Variants in LIPC observed in about 807,000 individuals in gnomAD.
LIPC encodes lipase C, hepatic type.
In LIPC, 44 loss-of-function variants were observed where a neutral mutation model predicts 50.7. That is an observed-to-expected ratio of 0.87 (90% CI 0.68 to 1.11). LIPC has a LOEUF of 1.11. Ranked by LOEUF, LIPC falls within the 50% of genes most tolerant of loss-of-function variation. The probability of loss-of-function intolerance (pLI) is 0.00; values close to 1 mark genes in which losing one functional copy is unlikely to be tolerated. For missense variants in LIPC, 697 were observed against 648.2 expected, an observed-to-expected ratio of 1.08 and a Z score of -0.82; for synonymous variants, 271 against 256.4, an observed-to-expected ratio of 1.06 and a Z score of -0.54.
intron 1 of LIPC, among the ~76,000 whole-genome samples, chr15:58,531,185 T>A (rs567698716): frequency 6.6e-6 from 1 of 152,340 alleles, no homozygotes; most frequent in East Asian, 1.9e-4. Flanking sequence ...AGAAGTGATA[T>A]TCCGTTGTGT....
intron 6 of LIPC, among the ~76,000 whole-genome samples, chr15:58,557,379 C>CTTTTTT (rs386383140): frequency 0.2 from 14,888 of 75,532 alleles, 3,306 homozygotes; most frequent in East Asian, 0.25. Flanking sequence ...ATTATATGCT[C>CTTTTTT]TTTTTTTTTT....
At chr15:58,444,639 C>T (rs547639212) in intron 1 of LIPC, among the ~76,000 whole-genome samples, 5 of 152,260 alleles carry the variant, frequency 3.3e-5, no homozygotes, top group African/African-American at 4.8e-5. Context: ...TTTCTGTGTC[C>T]GATCTCCTCT....
chr15:58,453,162 C>G (rs1893974376), intron 1 of LIPC, among the ~76,000 whole-genome samples: 1 of 152,096 alleles, frequency 6.6e-6, no homozygotes, highest in Admixed American at 6.5e-5. Flanking sequence ...ATTTCTTCTC[C>G]CCGCTTGGCT....
At chr15:58,451,562 T>C (rs1294325662) in intron 1 of LIPC, among the ~76,000 whole-genome samples, 1 of 152,166 alleles carries the variant, frequency 6.6e-6, no homozygotes, top group Non-Finnish European at 1.5e-5. Flanking sequence ...TGGCCAGGTG[T>C]CCACCCCTGA....
rs543325119 is a variant in LIPC at position 58,556,494 on chromosome 15, G to A, written c.1052-4370G>A. 2.1e-4 allele frequency among the ~76,000 whole-genome samples: 32 copies of A among 152,236 alleles called. 1 individual carries two copies. In the South Asian group the frequency reaches 6.6e-3, roughly 32 times the overall value. ...TGCAGAAAATGTGAAACTTGCAGAA[G>A]AACATAAAGAAGAGAATAAAAATGA... On this transcript the variant is annotated intron_variant, in intron 6 of 8. Transcript: ENST00000299022.
At chr15:58,528,150 A>AG (rs1165626774) in intron 1 of LIPC, among the ~76,000 whole-genome samples, 5 of 151,430 alleles carry the variant, frequency 3.3e-5, no homozygotes, top group African/African-American at 1.2e-4. Context: ...CAAAAAAAAA[A>AG]AAAAAAGAAT....
At chr15:58,557,403 G>C (rs1422386150) in intron 6 of LIPC, among the ~76,000 whole-genome samples, 1 of 2,090 alleles carries the variant, frequency 4.8e-4, no homozygotes, top group African/African-American at 1.5e-3. Context: ...TTTTTTTTTT[G>C]AGATGTAGTC....
intron 1 of LIPC, among the ~76,000 whole-genome samples, chr15:58,508,015 A>G (rs1478794003): frequency 6.6e-6 from 1 of 152,134 alleles, no homozygotes; most frequent in Non-Finnish European, 1.5e-5. Flanking sequence ...GAGCACCAAA[A>G]CAGAAGACGA....
At chr15:58,468,392 A>C (rs1283335627) in intron 1 of LIPC, among the ~76,000 whole-genome samples, 1 of 152,212 alleles carries the variant, frequency 6.6e-6, no homozygotes, top group Non-Finnish European at 1.5e-5. Flanking sequence ...GTCTCACCCC[A>C]GACCTAATGA....
chr15:58,529,224 A>T (rs566772305), intron 1 of LIPC, among the ~76,000 whole-genome samples: 1 of 152,314 alleles, frequency 6.6e-6, no homozygotes, highest in Admixed American at 6.5e-5. Context: ...TGGCAACTTG[A>T]CTGTAAGCCA....
At position 58,492,342 on chromosome 15, in the gene LIPC, T is replaced by C. The variant is rs145379201; in HGVS notation, c.89-45991T>C. On this transcript the variant is annotated intron_variant, in intron 1 of 8. Coordinates refer to ENST00000299022, the MANE Select transcript of LIPC (RefSeq NM_000236.3). ...CTGTAGTATATTAATATTACTGTCA[T>C]TAATTGATATTATTGTAATGTTACT... Among the ~76,000 whole-genome samples the C allele has an allele frequency of 1.6e-4, 25 of 152,324 alleles. No individual in the cohort carries two copies. The East Asian group carries it at 4.8e-3, about 29-fold the overall frequency.
intron 1 of LIPC, among the ~76,000 whole-genome samples, chr15:58,478,562 G>A (rs1891079020): frequency 6.6e-6 from 1 of 152,068 alleles, no homozygotes; most frequent in African/African-American, 2.4e-5. Flanking sequence ...ACTTAATCCT[G>A]GAACAACCAT....
At chr15:58,492,644 G>T (rs1241765696) in intron 1 of LIPC, among the ~76,000 whole-genome samples, 9 of 152,272 alleles carry the variant, frequency 5.9e-5, no homozygotes, top group African/African-American at 2.2e-4. Context: ...GCCACCCAAA[G>T]CCAATCAAGC....
At chr15:58,501,690 T>C (rs1291023798) in intron 1 of LIPC, among the ~76,000 whole-genome samples, 2 of 152,190 alleles carry the variant, frequency 1.3e-5, no homozygotes, top group African/African-American at 4.8e-5. Context: ...CAATACCATT[T>C]TTAAATCTCT....
intron 1 of LIPC, among the ~76,000 whole-genome samples, chr15:58,517,508 A>G (rs1892520603): frequency 6.6e-6 from 1 of 152,244 alleles, no homozygotes; most frequent in Non-Finnish European, 1.5e-5. Flanking sequence ...AAGCATTTAA[A>G]AGAGAATTTC....
At chr15:58,482,746 A>G (rs2140778909) in intron 1 of LIPC, among the ~76,000 whole-genome samples, 1 of 152,286 alleles carries the variant, frequency 6.6e-6, no homozygotes, top group Admixed American at 6.5e-5. Flanking sequence ...ATTTTACGGT[A>G]AACTTCTACA....
Position 58,541,478 on chromosome 15 carries a change from G to T in LIPC, c.274-307G>T, listed in dbSNP as rs192099636. Among the ~76,000 whole-genome samples the T allele has an allele frequency of 8.9e-4, 132 of 147,920 alleles. 1 individual carries two copies. The South Asian group carries it at 0.016, about 18-fold the overall frequency. On this transcript the variant is annotated intron_variant, in intron 2 of 8. Coordinates refer to ENST00000299022, the MANE Select transcript of LIPC (RefSeq NM_000236.3). The stretch of plus-strand genomic sequence containing the variant: ...TAAGAGGAAAAACATTAAGATAATT[G>T]TTCTCGGGAGGGGGCGGGGGGGAAC...
chr15:58,493,292 C>A (rs916048863), intron 1 of LIPC, among the ~76,000 whole-genome samples: 1 of 152,066 alleles, frequency 6.6e-6, no homozygotes, highest in African/African-American at 2.4e-5. Flanking sequence ...ACTGTCTGCC[C>A]GTTTGGACTA....
intron 1 of LIPC, among the ~76,000 whole-genome samples, chr15:58,489,599 A>G (rs1487316337): frequency 6.6e-6 from 1 of 152,200 alleles, no homozygotes; most frequent in South Asian, 2.1e-4. Context: ...TAGTCAGTCT[A>G]AAAAACAACT....
Sources: gnomAD v4.1 joint callset for allele counts (sites outside exome capture counted in the v4.1 genomes callset) on GRCh38, gnomAD v4.1.1 for gene constraint, MANE v1.5 for transcripts, NCBI Gene and HGNC (gene_info 2026-07-23, HGNC 2026-07-21) for gene names.